The following INPP4B variants were observed in gnomAD, a reference collection of about 807,000 sequenced individuals.
INPP4B encodes the protein inositol polyphosphate 4-phosphatase type II.
Under a neutral mutation model 122.5 loss-of-function variants are expected in INPP4B, and 55 were observed. The observed-to-expected ratio is 0.45, with a 90% CI of 0.36 to 0.56. The LOEUF (loss-of-function observed/expected upper bound fraction) is 0.56. Among genes scored for constraint, INPP4B ranks in the 20% least tolerant of loss-of-function variants. INPP4B has a pLI of 0.00. For missense variants in INPP4B, 1,000 were observed against 1,097.7 expected (o/e 0.91, Z 1.26); for synonymous variants, 403 against 388.7 (o/e 1.04, Z -0.43).
intron 9 of INPP4B, among the ~76,000 whole-genome samples, chr4:142,284,398 A>T (rs1029205685): frequency 3.9e-5 from 6 of 152,180 alleles, no homozygotes; most frequent in African/African-American, 1.4e-4. Context: ...AGACGAGTTG[A>T]CTTTAGAAAC....
chr4:142,231,202 G>C (rs1381991742), intron 12 of INPP4B, among the ~76,000 whole-genome samples: 1 of 152,198 alleles, frequency 6.6e-6, no homozygotes. Flanking sequence ...GGCAGCTGCA[G>C]GCAAGACAGA....
At chr4:142,641,377 G>T (rs983078223) in intron 2 of INPP4B, among the ~76,000 whole-genome samples, 1 of 151,548 alleles carries the variant, frequency 6.6e-6, no homozygotes, top group Non-Finnish European at 1.5e-5. Flanking sequence ...CCATTAACTC[G>T]TCATTTACAT....
chr4:142,583,473 C>G (rs1465352227), intron 2 of INPP4B: 1 of 152,152 alleles, frequency 6.6e-6, no homozygotes, highest in Non-Finnish European at 1.5e-5. Flanking sequence ...GGCCATGGAG[C>G]TGAATGGAGA....
intron 12 of INPP4B, among the ~76,000 whole-genome samples, chr4:142,236,911 G>C (rs866510800): frequency 1.3e-5 from 2 of 152,154 alleles, no homozygotes; most frequent in Admixed American, 6.6e-5. Flanking sequence ...CAATTAAAAA[G>C]TGTTAACGCT....
intron 17 of INPP4B, among the ~76,000 whole-genome samples, chr4:142,147,265 T>G (rs1193274833): frequency 2.6e-5 from 4 of 152,220 alleles, no homozygotes; most frequent in African/African-American, 9.6e-5. Flanking sequence ...GTACTTTTTT[T>G]GCCAAAGCTA....
intron 1 of INPP4B, among the ~76,000 whole-genome samples, chr4:142,835,849 G>A (rs1782706827): frequency 6.6e-6 from 1 of 152,116 alleles, no homozygotes; most frequent in Non-Finnish European, 1.5e-5. Context: ...CCTAGAAATT[G>A]CAAAGAAACA....
At chr4:142,405,122 G>T in intron 6 of INPP4B, 84 bp downstream of exon 6, 1 of 701,880 alleles carries the variant, frequency 1.4e-6, no homozygotes, top group South Asian at 1.6e-5. Context: ...CGGGGGTGGG[G>T]GGGAGGGAGA....
chr4:142,623,427 T>C (rs533911043), intron 2 of INPP4B, among the ~76,000 whole-genome samples: 1 of 151,978 alleles, frequency 6.6e-6, no homozygotes, highest in East Asian at 1.9e-4. Flanking sequence ...TGGCAATATC[T>C]TCATACCTTT....
chr4:142,784,808 A>G (rs1388144665), intron 1 of INPP4B, among the ~76,000 whole-genome samples: 1 of 152,070 alleles, frequency 6.6e-6, no homozygotes, highest in Non-Finnish European at 1.5e-5. Flanking sequence ...TCCTCATACC[A>G]AAGTCTTCCA....
At chr4:142,080,420 A>T (rs336378) in intron 25 of INPP4B, among the ~76,000 whole-genome samples, 1 of 151,990 alleles carries the variant, frequency 6.6e-6, no homozygotes, top group Non-Finnish European at 1.5e-5. Flanking sequence ...CCTCATATAC[A>T]GACAAAACCA....
chr4:142,260,150 A>G (rs550289858), intron 11 of INPP4B, among the ~76,000 whole-genome samples: 2 of 152,000 alleles, frequency 1.3e-5, no homozygotes, highest in Admixed American at 6.6e-5. Context: ...ATGCCCAGCT[A>G]ATTTTTGGTA....
chr4:142,712,638 A>G (rs1449241421), intron 2 of INPP4B, among the ~76,000 whole-genome samples: 1 of 152,220 alleles, frequency 6.6e-6, no homozygotes, highest in Non-Finnish European at 1.5e-5. Flanking sequence ...GCCAATCACA[A>G]ACGTACTTGT....
chr4:142,522,049 G>C (rs993711099), intron 2 of INPP4B, among the ~76,000 whole-genome samples: 8 of 152,112 alleles, frequency 5.3e-5, no homozygotes, highest in African/African-American at 1.9e-4. Context: ...TGTGTGCTTT[G>C]GGCAAGTTAT....
intron 23 of INPP4B, among the ~76,000 whole-genome samples, chr4:142,086,669 A>G (rs1483624718): frequency 6.6e-6 from 1 of 152,192 alleles, no homozygotes; most frequent in East Asian, 1.9e-4. Flanking sequence ...ACACAATTTT[A>G]TAACAAGAAA....
chr4:142,171,865 T>C (rs2055211), intron 16 of INPP4B, among the ~76,000 whole-genome samples: 14,912 of 151,678 alleles, frequency 0.098, 1,099 homozygotes, highest in African/African-American at 0.2. Flanking sequence ...TGCAGCAAGT[T>C]GTAAATGATG....
At chr4:142,196,446 G>A (rs1423960490) in intron 14 of INPP4B, among the ~76,000 whole-genome samples, 1 of 152,096 alleles carries the variant, frequency 6.6e-6, no homozygotes, top group Non-Finnish European at 1.5e-5. Context: ...GACAATTACA[G>A]ACAACACATT....
chr4:142,298,558 G>A (rs1361462468), intron 9 of INPP4B, among the ~76,000 whole-genome samples: 3 of 151,526 alleles, frequency 2.0e-5, no homozygotes, highest in Non-Finnish European at 2.9e-5. Context: ...GATGGTGGGC[G>A]CCTATAATCC....
chr4:142,394,430 C>A (rs895752365), intron 7 of INPP4B, among the ~76,000 whole-genome samples: 25 of 152,330 alleles, frequency 1.6e-4, no homozygotes, highest in Non-Finnish European at 3.2e-4. Flanking sequence ...CAGGCTACAG[C>A]CACCGCACCT....
intron 12 of INPP4B, among the ~76,000 whole-genome samples, chr4:142,226,063 A>T (rs571930264): frequency 6.6e-6 from 1 of 152,342 alleles, no homozygotes; most frequent in Non-Finnish European, 1.5e-5. Context: ...TTGAAATAGT[A>T]CAAAATTTGA....
Sources: allele counts gnomAD v4.1 joint callset (sites outside exome capture counted in the v4.1 genomes callset), GRCh38; gene constraint gnomAD v4.1.1; transcripts MANE v1.5; gene names NCBI Gene and HGNC (gene_info 2026-07-23, HGNC 2026-07-21).